The following GPHN variants were observed in gnomAD, a reference collection of about 807,000 sequenced individuals.
GPHN encodes gephyrin.
GPHN carries 17 observed loss-of-function variants against 95.5 expected under a neutral mutation model. That is an observed-to-expected ratio of 0.18 (90% CI 0.12 to 0.27). The LOEUF (loss-of-function observed/expected upper bound fraction) is 0.27. Among genes scored for constraint, GPHN ranks in the 10% least tolerant of loss-of-function variants. The pLI, the probability that GPHN is intolerant of heterozygous loss-of-function variation, is 1.00. For missense variants in GPHN, 660 were observed against 978.1 expected, an observed-to-expected ratio of 0.67 and a Z score of 4.34; for synonymous variants, 320 against 322.5, an observed-to-expected ratio of 0.99 and a Z score of 0.08.
chr14:66,835,484 A>T (rs1168261486), intron 4 of GPHN, among the ~76,000 whole-genome samples: 1 of 151,948 alleles, frequency 6.6e-6, no homozygotes, highest in East Asian at 1.9e-4. Flanking sequence ...CCCACAGCCA[A>T]TATCATACTG....
intron 3 of GPHN, among the ~76,000 whole-genome samples, chr14:66,790,550 G>C (rs534386991): frequency 6.6e-6 from 1 of 152,178 alleles, no homozygotes; most frequent in Non-Finnish European, 1.5e-5. Context: ...TTCCTGGAAG[G>C]TAGAGACCAA....
At chr14:67,514,870 A>G in the GPHN span, among the ~76,000 whole-genome samples, 2 of 151,988 alleles carry the variant, frequency 1.3e-5, no homozygotes, top group African/African-American at 2.4e-5. Flanking sequence ...CGGGCGCACC[A>G]CCTATCTAAT....
intron 17 of GPHN, 109 bp from the exon 18 acceptor site, chr14:67,143,253 G>A (rs2080601499): frequency 6.6e-6 from 5 of 760,696 alleles, no homozygotes; most frequent in Admixed American, 3.5e-5. Context: ...ATATAGTGCT[G>A]TACTCATGTT....
chr14:66,855,265 T>C (rs2062751064), intron 4 of GPHN, among the ~76,000 whole-genome samples: 1 of 152,164 alleles, frequency 6.6e-6, no homozygotes, highest in Non-Finnish European at 1.5e-5. Flanking sequence ...CTCTGTAACC[T>C]TTAAGCAATA....
chr14:67,427,886 C>G, the GPHN span, among the ~76,000 whole-genome samples: 10 of 151,092 alleles, frequency 6.6e-5, no homozygotes, highest in Non-Finnish European at 1.0e-4. Context: ...CACACATTTC[C>G]GAGACACCCA....
rs373486111 is a variant in GPHN at position 66,728,352 on chromosome 14, G to A, written c.143+47167G>A. Among the ~76,000 whole-genome samples, 3 of 152,308 alleles carry A rather than the reference G, an allele frequency of 2.0e-5. No homozygotes were observed. In the East Asian group the frequency reaches 5.8e-4, roughly 29 times the overall value. On this transcript the variant is annotated intron_variant, in intron 2 of 22. Coordinates refer to ENST00000478722, the MANE Select transcript of GPHN (RefSeq NM_020806.5). ...GGGGCACGGCCTAGTGGAGCTGTGA[G>A]AAGAGGATCATTGTCCTCCAGACTT...
At chr14:67,373,827 A>C in the GPHN span, among the ~76,000 whole-genome samples, 1 of 145,236 alleles carries the variant, frequency 6.9e-6, no homozygotes, top group Non-Finnish European at 1.5e-5. Context: ...TAGATTAGAT[A>C]GTTTTAATTT....
intron 18 of GPHN, 79 bp downstream of exon 18, chr14:67,143,528 A>G: frequency 1.1e-6 from 1 of 902,652 alleles, no homozygotes. Context: ...TCTGGTAGGC[A>G]TCTGATATTC....
At chr14:67,311,451 C>A in the GPHN span, among the ~76,000 whole-genome samples, 3 of 152,106 alleles carry the variant, frequency 2.0e-5, no homozygotes, top group South Asian at 6.2e-4. Flanking sequence ...ATGCTCACTG[C>A]AAATATGTGG....
chr14:67,175,004 A>C (rs1738624154), intron 21 of GPHN, among the ~76,000 whole-genome samples: 2 of 152,148 alleles, frequency 1.3e-5, no homozygotes, highest in South Asian at 4.1e-4. Flanking sequence ...TAGATTGTAA[A>C]AAATTTTTTC....
At chr14:66,798,662 T>G (rs969273921) in intron 3 of GPHN, among the ~76,000 whole-genome samples, 2 of 151,896 alleles carry the variant, frequency 1.3e-5, no homozygotes, top group Non-Finnish European at 2.9e-5. Flanking sequence ...AATGTCACCT[T>G]TTTTATTTTT....
Position 66,751,352 on chromosome 14 carries a change from T to C in GPHN, c.144-25112T>C, listed in dbSNP as rs1363923915. On this transcript the variant is annotated intron_variant, in intron 2 of 22. Transcript: ENST00000478722. ...TGTTTTCTCTGCAACCTCACCAGCA[T>C]CTGTTATTTTTGGACTTTTTAATAG... 5.3e-5 allele frequency among the ~76,000 whole-genome samples: 8 copies of C among 152,124 alleles called. No homozygotes were observed. The East Asian group carries it at 1.5e-3, about 29-fold the overall frequency.
the GPHN span, chr14:67,201,454 T>C: frequency 4.4e-6 from 2 of 456,048 alleles, no homozygotes; most frequent in South Asian, 1.5e-5. Flanking sequence ...GGGCCTCACA[T>C]CTAAACAGGA....
the GPHN span, among the ~76,000 whole-genome samples, chr14:67,286,942 G>A: frequency 2.0e-4 from 30 of 151,776 alleles, no homozygotes; most frequent in African/African-American, 6.5e-4. Context: ...TTATGGCTGC[G>A]CGTGGTGGCT....
intron 3 of GPHN, among the ~76,000 whole-genome samples, chr14:66,816,948 G>A (rs1216208688): frequency 3.9e-5 from 6 of 151,996 alleles, no homozygotes; most frequent in African/African-American, 1.2e-4. Flanking sequence ...TGTTTGATGA[G>A]TTGTTTACTC....
the GPHN span, among the ~76,000 whole-genome samples, chr14:67,274,899 T>G: frequency 5.9e-5 from 9 of 152,188 alleles, no homozygotes; most frequent in South Asian, 1.5e-3. Flanking sequence ...GAATGGGAGT[T>G]CACTCATGAT....
chr14:67,480,478 G>A, the GPHN span, among the ~76,000 whole-genome samples: 17 of 152,270 alleles, frequency 1.1e-4, 1 homozygote, highest in East Asian at 1.7e-3. Flanking sequence ...TGAAAAGATG[G>A]TGGAATGAAA....
At chr14:67,340,342 C>T in the GPHN span, 2 of 983,976 alleles carry the variant, frequency 2.0e-6, no homozygotes, top group Non-Finnish European at 3.2e-6. Context: ...ATAAGCTGTG[C>T]TAATTCTAAA....
intron 10 of GPHN, among the ~76,000 whole-genome samples, chr14:67,034,658 C>G (rs985552197): frequency 6.6e-6 from 1 of 151,864 alleles, no homozygotes; most frequent in Non-Finnish European, 1.5e-5. Context: ...TTATATCAGA[C>G]AAAATATAGA....
Sources: allele counts gnomAD v4.1 joint callset (sites outside exome capture counted in the v4.1 genomes callset), GRCh38; gene constraint gnomAD v4.1.1; transcripts MANE v1.5; gene names NCBI Gene and HGNC (gene_info 2026-07-23, HGNC 2026-07-21).